NXN: variants seen among roughly 807,000 people sequenced by gnomAD.
The protein encoded by NXN is nucleoredoxin, also known as nucleoredoxin 1.
Under a neutral mutation model 48.6 loss-of-function variants are expected in NXN, and 16 were observed. That is an observed-to-expected ratio of 0.33 (90% CI 0.22 to 0.50). NXN has a LOEUF of 0.50. NXN is among the 20% of genes least tolerant of loss of function. The pLI, the probability that NXN is intolerant of heterozygous loss-of-function variation, is 0.98. For missense variants in NXN, 492 were observed against 605.5 expected, an observed-to-expected ratio of 0.81 and a Z score of 1.97; for synonymous variants, 281 against 269.6, an observed-to-expected ratio of 1.04 and a Z score of -0.41.
At chr17:964,482 GC>G (rs1401738117) in intron 1 of NXN, among the ~76,000 whole-genome samples, 1 of 152,190 alleles carries the variant, frequency 6.6e-6, no homozygotes, top group African/African-American at 2.4e-5. Context: ...GTATTAAGTA[GC>G]ATTTTATTCT....
chr17:922,044 A>C (rs2068755233), intron 1 of NXN, among the ~76,000 whole-genome samples: 1 of 152,228 alleles, frequency 6.6e-6, no homozygotes, highest in Non-Finnish European at 1.5e-5. Context: ...TTGGTAGTAG[A>C]CTGGGCAAAG....
chr17:947,594 G>A (rs2069057927), intron 1 of NXN, among the ~76,000 whole-genome samples: 1 of 151,996 alleles, frequency 6.6e-6, no homozygotes, highest in African/African-American at 2.4e-5. Context: ...TTAGCCGGGA[G>A]TGGTGGCACG....
At chr17:803,954 T>G (rs2066303818) in intron 6 of NXN, 148 bp from the exon 7 acceptor site, 2 of 992,142 alleles carry the variant, frequency 2.0e-6, no homozygotes, top group East Asian at 5.0e-5. Context: ...GATGCAGGTC[T>G]TGCTCCCCGC....
At chr17:924,722 CCG>C (rs2068782459) in intron 1 of NXN, among the ~76,000 whole-genome samples, 3 of 151,948 alleles carry the variant, frequency 2.0e-5, no homozygotes, top group Non-Finnish European at 2.9e-5. Flanking sequence ...TAACTCCGTT[CCG>C]TTCCGTTCCG....
chr17:960,032 C>T (rs925396860), intron 1 of NXN, among the ~76,000 whole-genome samples: 2 of 151,842 alleles, frequency 1.3e-5, no homozygotes, highest in African/African-American at 4.8e-5. Context: ...GCAGAGGTTG[C>T]GGTCAGCCGA....
Position 805,237 on chromosome 17 carries a change from C to A in NXN, c.831G>T (p.Thr277=). The A allele has an allele frequency of 6.2e-7, 1 of 1,610,058 alleles. No individual in the cohort carries two copies. The stretch of plus-strand genomic sequence containing the variant: ...CGCCCTGCGGGTCCAGCATGATGAG[C>A]GTGGGGATGCCTGCAGGGAAGAGGG... ...NRLYGIQGIP[T]LIMLDPQGEV... Residue 277 remains threonine, a synonymous_variant, in exon 6 of 8, where the codon ACG becomes ACT. Coordinates refer to ENST00000336868, the MANE Select transcript of NXN (RefSeq NM_022463.5).
intron 1 of NXN, among the ~76,000 whole-genome samples, chr17:860,778 A>G (rs1386870358): frequency 1.3e-5 from 2 of 152,276 alleles, no homozygotes; most frequent in Non-Finnish European, 2.9e-5. Flanking sequence ...GCAAACAGCA[A>G]ATCCTAAAGT....
At chr17:893,068 TAA>T (rs1297693346) in intron 1 of NXN, among the ~76,000 whole-genome samples, 1 of 152,282 alleles carries the variant, frequency 6.6e-6, no homozygotes, top group Admixed American at 6.5e-5. Context: ...ATTAAAAATT[TAA>T]AGTCTTCAGA....
At chr17:824,420 A>T (rs1020260351) in intron 2 of NXN, among the ~76,000 whole-genome samples, 2 of 152,124 alleles carry the variant, frequency 1.3e-5, no homozygotes, top group Admixed American at 1.3e-4. Context: ...CAACGCAAAG[A>T]TGTACGTGCA....
chr17:927,014 T>C (rs2068806666), intron 1 of NXN, among the ~76,000 whole-genome samples: 1 of 149,430 alleles, frequency 6.7e-6, no homozygotes, highest in Admixed American at 6.7e-5. Flanking sequence ...AAAAGGGAGG[T>C]AAGAGAAGCA....
At chr17:843,052 G>GAAAGAAAGAAAGAA (rs1555613142) in intron 1 of NXN, among the ~76,000 whole-genome samples, 3 of 114,804 alleles carry the variant, frequency 2.6e-5, no homozygotes, top group African/African-American at 1.2e-4. Flanking sequence ...AAGAAAGAAA[G>GAAAGAAAGAAAGAA]AAAGAAGGAA....
intron 5 of NXN, among the ~76,000 whole-genome samples, chr17:810,572 C>G (rs963997426): frequency 1.3e-5 from 2 of 152,136 alleles, no homozygotes; most frequent in Non-Finnish European, 2.9e-5. Flanking sequence ...CCCGGCTCCC[C>G]CAAAACACTC....
intron 5 of NXN, among the ~76,000 whole-genome samples, 167 bp from the exon 6 acceptor site, chr17:805,414 G>A (rs568944956): frequency 5.3e-5 from 8 of 152,278 alleles, no homozygotes; most frequent in Admixed American, 1.3e-4. Flanking sequence ...CAAAGCCTGG[G>A]GAGAATCCAG....
At chr17:971,437 G>A (rs964504992) in intron 1 of NXN, among the ~76,000 whole-genome samples, 4 of 151,916 alleles carry the variant, frequency 2.6e-5, no homozygotes, top group South Asian at 2.1e-4. Flanking sequence ...CAGACCGAGC[G>A]CGGTGGCTCA....
intron 5 of NXN, among the ~76,000 whole-genome samples, chr17:817,408 G>C (rs557049107): frequency 6.6e-6 from 1 of 152,154 alleles, no homozygotes; most frequent in Admixed American, 6.6e-5. Context: ...GGTGGCTCAC[G>C]CCTGTAATCC....
chr17:926,150 C>T (rs1282079768), intron 1 of NXN, among the ~76,000 whole-genome samples: 7 of 152,186 alleles, frequency 4.6e-5, no homozygotes, highest in Non-Finnish European at 8.8e-5. Context: ...TAGATCCGCA[C>T]ATTCTCAGTA....
At chr17:897,638 A>T (rs546486024) in intron 1 of NXN, among the ~76,000 whole-genome samples, 1 of 151,664 alleles carries the variant, frequency 6.6e-6, no homozygotes, top group African/African-American at 2.4e-5. Context: ...TGTGCTGTCA[A>T]CTCTGTGTTA....
At chr17:815,460 C>T (rs1412608107) in intron 5 of NXN, among the ~76,000 whole-genome samples, 5 of 148,716 alleles carry the variant, frequency 3.4e-5, no homozygotes, top group Admixed American at 1.3e-4. Flanking sequence ...GTTTTGAAGG[C>T]GATGAGGCAC....
At chr17:887,206 C>T (rs904273253) in intron 1 of NXN, among the ~76,000 whole-genome samples, 18 of 152,166 alleles carry the variant, frequency 1.2e-4, no homozygotes, top group African/African-American at 3.4e-4. Context: ...CGTGAGCCAC[C>T]GCGCCTGGCC....
Sources: gnomAD v4.1 joint callset for allele counts (sites outside exome capture counted in the v4.1 genomes callset) on GRCh38, gnomAD v4.1.1 for gene constraint, MANE v1.5 for transcripts, NCBI Gene and HGNC (gene_info 2026-07-23, HGNC 2026-07-21) for gene names.